The following LHFPL3 variants were observed in gnomAD, a reference collection of about 807,000 sequenced individuals.
LHFPL3 encodes LHFPL tetraspan subfamily member 3.
LHFPL3 carries 5 observed loss-of-function variants against 19.3 expected under a neutral mutation model. The ratio of observed to expected loss-of-function variants is 0.26; its 90% CI spans 0.14 to 0.54. The LOEUF (loss-of-function observed/expected upper bound fraction) is 0.54, where lower values mean the gene tolerates loss of function less well. LHFPL3 is among the 20% of genes least tolerant of loss of function. The pLI, the probability that LHFPL3 is intolerant of heterozygous loss-of-function variation, is 0.94. For synonymous variants in LHFPL3, 133 were observed against 126.2 expected (o/e 1.05, Z -0.36); for missense variants, 249 against 307.4 (o/e 0.81, Z 1.42).
chr7:104,639,493 G>A (rs1210231997), intron 1 of LHFPL3, among the ~76,000 whole-genome samples: 1 of 152,116 alleles, frequency 6.6e-6, no homozygotes, highest in East Asian at 1.9e-4. Flanking sequence ...AGTTTAGCTA[G>A]TGGTGTATAC....
chr7:104,400,006 AG>A (rs1263964505), intron 1 of LHFPL3, among the ~76,000 whole-genome samples: 1 of 148,502 alleles, frequency 6.7e-6, no homozygotes, highest in Non-Finnish European at 1.5e-5. Context: ...CGGGAGGCTG[AG>A]GCTGAAGAAT....
intron 1 of LHFPL3, among the ~76,000 whole-genome samples, chr7:104,493,214 C>T (rs1793391671): frequency 1.3e-5 from 2 of 152,140 alleles, no homozygotes; most frequent in Admixed American, 1.3e-4. Flanking sequence ...TCTGGCCCCC[C>T]ACTTTCTTAA....
chr7:104,412,199 C>T (rs556523687), intron 1 of LHFPL3, among the ~76,000 whole-genome samples: 4 of 152,016 alleles, frequency 2.6e-5, no homozygotes, highest in Admixed American at 6.6e-5. Context: ...TTAAGTATAC[C>T]GTATTGTTCA....
chr7:104,758,546 G>T (rs145883432), intron 2 of LHFPL3, among the ~76,000 whole-genome samples: 1 of 152,162 alleles, frequency 6.6e-6, no homozygotes, highest in East Asian at 1.9e-4. Context: ...CATCAAGCAG[G>T]TGTCCTATAT....
chr7:104,659,186 T>C (rs1437001822), intron 1 of LHFPL3, among the ~76,000 whole-genome samples: 4 of 152,222 alleles, frequency 2.6e-5, no homozygotes, highest in Non-Finnish European at 5.9e-5. Flanking sequence ...GACTGCATCA[T>C]GCTGTCCTTG....
chr7:104,756,499 TTTTA>T (rs1005556944), intron 2 of LHFPL3, among the ~76,000 whole-genome samples: 21 of 152,190 alleles, frequency 1.4e-4, no homozygotes, highest in Admixed American at 1.2e-3. Context: ...ACAATTTTAT[TTTTA>T]TTTATTTATT....
intron 1 of LHFPL3, among the ~76,000 whole-genome samples, chr7:104,430,698 G>A (rs1791986320): frequency 6.6e-6 from 1 of 150,912 alleles, no homozygotes; most frequent in Non-Finnish European, 1.5e-5. Flanking sequence ...TCAATCTCCT[G>A]ACCTCATGAT....
intron 2 of LHFPL3, among the ~76,000 whole-genome samples, chr7:104,886,714 CA>C (rs933268510): frequency 6.6e-6 from 1 of 152,196 alleles, no homozygotes; most frequent in African/African-American, 2.4e-5. Flanking sequence ...TCTAAGTCCT[CA>C]AAAATTATAC....
At chr7:104,694,796 G>A (rs1792968008) in intron 1 of LHFPL3, among the ~76,000 whole-genome samples, 1 of 152,252 alleles carries the variant, frequency 6.6e-6, no homozygotes, top group Non-Finnish European at 1.5e-5. Context: ...CTGCAAGACT[G>A]CAATTGGCAG....
At chr7:104,568,972 T>C (rs962598109) in intron 1 of LHFPL3, among the ~76,000 whole-genome samples, 3 of 150,224 alleles carry the variant, frequency 2.0e-5, no homozygotes, top group Non-Finnish European at 4.5e-5. Flanking sequence ...TAATTATGTT[T>C]GAACAAAAGC....
chr7:104,833,063 A>AATAGATATATT (rs1554349430), intron 2 of LHFPL3, among the ~76,000 whole-genome samples: 7 of 71,574 alleles, frequency 9.8e-5, no homozygotes, highest in South Asian at 3.7e-4. Flanking sequence ...TATTATATAT[A>AATAGATATATT]ATATATATAT....
intron 1 of LHFPL3, among the ~76,000 whole-genome samples, chr7:104,349,076 C>T (rs1202628039): frequency 6.6e-6 from 1 of 152,008 alleles, no homozygotes; most frequent in Non-Finnish European, 1.5e-5. Flanking sequence ...TTAAAACTCT[C>T]TGGGAAGACA....
intron 1 of LHFPL3, among the ~76,000 whole-genome samples, chr7:104,683,549 T>C (rs1792750802): frequency 6.6e-6 from 1 of 151,982 alleles, no homozygotes. Context: ...TAGTATTGAT[T>C]CCCCCCAAAA....
chr7:104,522,942 T>C (rs1329967708), intron 1 of LHFPL3, among the ~76,000 whole-genome samples: 1 of 151,196 alleles, frequency 6.6e-6, no homozygotes, highest in Non-Finnish European at 1.5e-5. Context: ...AACAGGGTCA[T>C]CTGCTGTCTG....
intron 2 of LHFPL3, among the ~76,000 whole-genome samples, chr7:104,745,653 C>T (rs1794028838): frequency 6.6e-6 from 1 of 152,192 alleles, no homozygotes; most frequent in Non-Finnish European, 1.5e-5. Flanking sequence ...TGGATGAATA[C>T]TTTTCTCAGT....
At chr7:104,554,684 TAGATAGAC>T (rs1235813392) in intron 1 of LHFPL3, among the ~76,000 whole-genome samples, 1,466 of 130,938 alleles carry the variant, frequency 0.011, 19 homozygotes, top group African/African-American at 0.041. Context: ...GATAGATAGA[TAGATAGAC>T]AGACAGATGA....
chr7:104,386,598 A>G (rs1790948398), intron 1 of LHFPL3, among the ~76,000 whole-genome samples: 1 of 152,234 alleles, frequency 6.6e-6, no homozygotes, highest in Non-Finnish European at 1.5e-5. Context: ...ACCTCTGTCT[A>G]ACCTTGAGTC....
intron 1 of LHFPL3, among the ~76,000 whole-genome samples, chr7:104,468,141 A>C (rs1446366076): frequency 6.6e-6 from 1 of 152,310 alleles, no homozygotes; most frequent in African/African-American, 2.4e-5. Flanking sequence ...CACTGCTGCA[A>C]CCCGGAGGTC....
In LHFPL3 at chr7:104,614,684, T is replaced by TTCCTTCCTTCCTTCC. The variant is rs1562950473; in HGVS notation, c.446-121990_446-121989insCCTTCCTTCCTTCCT. ...CCTTCCTTCCTTCCTTCCTTCCTTC[T>TTCCTTCCTTCCTTCC]TTCTTTCTTTCTTTCTTTCTTTCTT... is the stretch of plus-strand genomic sequence containing the variant. On this transcript the variant is annotated intron_variant, in intron 1 of 2. Coordinates refer to ENST00000424859, the MANE Select transcript of LHFPL3 (RefSeq NM_199000.3). 2.8e-3 allele frequency among the ~76,000 whole-genome samples: 118 copies of TTCCTTCCTTCCTTCC among 41,902 alleles called. 1 individual carries two copies. Among genetic ancestry groups the TTCCTTCCTTCCTTCC allele is most frequent in the South Asian group, 9.3e-3 (7 of 754 alleles). The allele number at this position is 41,902 out of a possible 152,430, so 27.5% of individuals were successfully genotyped here.
Sources: allele counts gnomAD v4.1 joint callset (sites outside exome capture counted in the v4.1 genomes callset), GRCh38; gene constraint gnomAD v4.1.1; transcripts MANE v1.5; gene names NCBI Gene and HGNC (gene_info 2026-07-23, HGNC 2026-07-21).